SLC44A5: variants seen among roughly 807,000 people sequenced by gnomAD.
SLC44A5 encodes the protein solute carrier family 44 member 5.
In SLC44A5, 57 loss-of-function variants were observed where a neutral mutation model predicts 101.8. The observed-to-expected ratio is 0.56, with a 90% CI of 0.45 to 0.70. SLC44A5 has a LOEUF of 0.70. SLC44A5 is among the 30% of genes least tolerant of loss of function. The pLI is 0.00. For missense variants in SLC44A5, 737 were observed against 853.1 expected (o/e 0.86, Z 1.70); for synonymous variants, 281 against 290.9 (o/e 0.97, Z 0.35).
the SLC44A5 span, among the ~76,000 whole-genome samples, chr1:75,709,218 G>C: frequency 6.6e-6 from 1 of 152,156 alleles, no homozygotes; most frequent in Non-Finnish European, 1.5e-5. Flanking sequence ...CCAAATGTAT[G>C]CAAGTCCCTC....
At chr1:75,679,411 C>A in the SLC44A5 span, among the ~76,000 whole-genome samples, 3 of 152,216 alleles carry the variant, frequency 2.0e-5, no homozygotes, top group South Asian at 4.1e-4. Flanking sequence ...AACAGCGGAT[C>A]TCTCAACAGA....
At chr1:75,479,319 C>A (rs1056184758) in intron 2 of SLC44A5, among the ~76,000 whole-genome samples, 4 of 152,154 alleles carry the variant, frequency 2.6e-5, no homozygotes, top group Non-Finnish European at 5.9e-5. Flanking sequence ...AAAACTGACA[C>A]CCTAACATCA....
At chr1:75,336,158 A>C (rs1371066114) in intron 4 of SLC44A5, among the ~76,000 whole-genome samples, 3 of 151,782 alleles carry the variant, frequency 2.0e-5, no homozygotes, top group Admixed American at 6.6e-5. Context: ...TATGGTTATT[A>C]TTATTATTAT....
chr1:75,416,974 G>A (rs1433668736), intron 2 of SLC44A5, among the ~76,000 whole-genome samples: 1 of 152,166 alleles, frequency 6.6e-6, no homozygotes, highest in Admixed American at 6.5e-5. Context: ...ACCAAGATGA[G>A]ACTTTGGACT....
At chr1:75,237,116 T>A in intron 10 of SLC44A5, 46 bp from the exon 11 acceptor site, 1 of 1,136,520 alleles carries the variant, frequency 8.8e-7, no homozygotes, top group Non-Finnish European at 1.3e-6. Context: ...TGATGACCAC[T>A]AAACAGAAAT....
intron 2 of SLC44A5, among the ~76,000 whole-genome samples, chr1:75,509,260 T>A (rs1394793723): frequency 6.6e-6 from 1 of 152,174 alleles, no homozygotes; most frequent in Non-Finnish European, 1.5e-5. Flanking sequence ...AAGCTTGAGT[T>A]TGGGATGAGA....
chr1:75,338,342 C>T (rs562184179), intron 4 of SLC44A5, among the ~76,000 whole-genome samples: 133 of 150,058 alleles, frequency 8.9e-4, no homozygotes, highest in Non-Finnish European at 1.5e-3. Flanking sequence ...ACACCTAAAA[C>T]CAGCCAGGCA....
At chr1:75,656,961 C>T in the SLC44A5 span, among the ~76,000 whole-genome samples, 6 of 152,168 alleles carry the variant, frequency 3.9e-5, 1 homozygote, top group South Asian at 8.3e-4. Flanking sequence ...CCAGCCTGGC[C>T]AACATGGTGA....
chr1:75,703,111 A>T, the SLC44A5 span, among the ~76,000 whole-genome samples: 1 of 150,918 alleles, frequency 6.6e-6, no homozygotes, highest in African/African-American at 2.4e-5. Flanking sequence ...GCGATTCCTC[A>T]GGGATCTAGA....
intron 2 of SLC44A5, among the ~76,000 whole-genome samples, chr1:75,424,736 A>G (rs1664205713): frequency 6.6e-6 from 1 of 152,212 alleles, no homozygotes; most frequent in African/African-American, 2.4e-5. Flanking sequence ...TGAAATATCA[A>G]AATGTCAAGA....
At chr1:75,608,726 C>A (rs1470070983) in intron 1 of SLC44A5, among the ~76,000 whole-genome samples, 1 of 151,782 alleles carries the variant, frequency 6.6e-6, no homozygotes, top group Non-Finnish European at 1.5e-5. Flanking sequence ...ACTGTAGGGT[C>A]TTTGCTCTGG....
chr1:75,652,522 T>C, the SLC44A5 span, among the ~76,000 whole-genome samples: 1 of 152,286 alleles, frequency 6.6e-6, no homozygotes, highest in East Asian at 1.9e-4. Flanking sequence ...CCAGGCACAG[T>C]GGTTCACAAC....
chr1:75,425,024 C>A (rs1433759671), intron 2 of SLC44A5, among the ~76,000 whole-genome samples: 1 of 152,188 alleles, frequency 6.6e-6, no homozygotes, highest in Non-Finnish European at 1.5e-5. Flanking sequence ...CCATTAGGTT[C>A]ATTTAAAAAA....
At chr1:75,694,169 A>C in the SLC44A5 span, among the ~76,000 whole-genome samples, 3 of 151,782 alleles carry the variant, frequency 2.0e-5, no homozygotes, top group Non-Finnish European at 4.4e-5. Context: ...AATACCTTTG[A>C]GTAGGCAAGA....
chr1:75,450,189 G>A (rs931671805), intron 2 of SLC44A5, among the ~76,000 whole-genome samples: 7 of 152,102 alleles, frequency 4.6e-5, no homozygotes, highest in African/African-American at 1.4e-4. Context: ...GTACTTGAGA[G>A]AGGCAGAGAG....
At chr1:75,513,749 A>G (rs1299299204) in intron 2 of SLC44A5, among the ~76,000 whole-genome samples, 1 of 152,170 alleles carries the variant, frequency 6.6e-6, no homozygotes. Context: ...AGAAAATTAT[A>G]CTTTTCCTAT....
chr1:75,613,258 G>A (rs1396315112), upstream of SLC44A5, among the ~76,000 whole-genome samples: 1 of 152,180 alleles, frequency 6.6e-6, no homozygotes, highest in Non-Finnish European at 1.5e-5. Context: ...ATCCAGCAAA[G>A]TTCACCCCAG....
At chr1:75,717,483 G>A in the SLC44A5 span, among the ~76,000 whole-genome samples, 4 of 152,138 alleles carry the variant, frequency 2.6e-5, no homozygotes, top group African/African-American at 7.2e-5. Flanking sequence ...TAGGAAGAGG[G>A]AGATCAAAAA....
At chr1:75,584,556 G>C (rs780351240) in intron 1 of SLC44A5, among the ~76,000 whole-genome samples, 16 of 152,034 alleles carry the variant, frequency 1.1e-4, no homozygotes, top group Non-Finnish European at 2.1e-4. Flanking sequence ...TACTGTGTTT[G>C]CTTTTGGGGG....
Sources: gnomAD v4.1 joint callset for allele counts (sites outside exome capture counted in the v4.1 genomes callset) on GRCh38, gnomAD v4.1.1 for gene constraint, MANE v1.5 for transcripts, NCBI Gene and HGNC (gene_info 2026-07-23, HGNC 2026-07-21) for gene names.